Variants in CSDE1 observed in about 807,000 individuals in gnomAD.
CSDE1 encodes cold shock domain containing E1.
Under a neutral mutation model 89.3 loss-of-function variants are expected in CSDE1, and 17 were observed. The ratio of observed to expected loss-of-function variants is 0.19; its 90% CI spans 0.13 to 0.29. The LOEUF is 0.29. Among genes scored for constraint, CSDE1 ranks in the 10% least tolerant of loss-of-function variants. The probability of loss-of-function intolerance (pLI) is 1.00; values close to 1 mark genes in which losing one functional copy is unlikely to be tolerated. For missense variants in CSDE1, 672 were observed against 984.2 expected (o/e 0.68, Z 4.24); for synonymous variants, 322 against 332.8 (o/e 0.97, Z 0.35).
intron 1 of CSDE1, among the ~76,000 whole-genome samples, chr1:114,755,752 TTG>T (rs1341865618): frequency 6.6e-6 from 1 of 152,216 alleles, no homozygotes; most frequent in East Asian, 1.9e-4. Context: ...CATCAATTCT[TTG>T]TGTTTACTTA....
intron 7 of CSDE1, 85 bp downstream of exon 7, chr1:114,734,357 G>GAAA: frequency 1.0e-5 from 11 of 1,078,524 alleles, no homozygotes; most frequent in Admixed American, 2.6e-5. Flanking sequence ...AGATAAAAAA[G>GAAA]AAAAAAAAAA....
intron 17 of CSDE1, 41 bp downstream of exon 17, chr1:114,720,498 A>G: frequency 3.9e-6 from 6 of 1,556,496 alleles, no homozygotes; most frequent in South Asian, 1.2e-5. Context: ...TTACCAACTC[A>G]TAGAAGGATC....
At chr1:114,728,108 T>C (rs1166145953) in intron 12 of CSDE1, among the ~76,000 whole-genome samples, 1 of 152,242 alleles carries the variant, frequency 6.6e-6, no homozygotes, top group Non-Finnish European at 1.5e-5. Context: ...CCAGGTATTA[T>C]GTATTATCAA....
At chr1:114,721,884 CTTTT>C (rs77950889) in intron 16 of CSDE1, among the ~76,000 whole-genome samples, 3,099 of 128,144 alleles carry the variant, frequency 0.024, 73 homozygotes, top group South Asian at 0.1. Context: ...CCACACCTGA[CTTTT>C]TTTTTTTTTT....
intron 16 of CSDE1, among the ~76,000 whole-genome samples, chr1:114,721,909 G>A (rs1659548959): frequency 6.8e-6 from 1 of 146,024 alleles, no homozygotes; most frequent in Admixed American, 7.0e-5. Flanking sequence ...TTGAGACGGA[G>A]TCATGCTCTG....
intron 2 of CSDE1, among the ~76,000 whole-genome samples, chr1:114,746,257 C>A (rs1302598062): frequency 1.3e-5 from 2 of 152,048 alleles, no homozygotes; most frequent in African/African-American, 4.8e-5. Flanking sequence ...TTAATGTACC[C>A]GACCAATATA....
intron 12 of CSDE1, 107 bp downstream of exon 12, chr1:114,730,151 T>G: frequency 7.7e-7 from 1 of 1,292,020 alleles, no homozygotes. Flanking sequence ...ACAGAAATTC[T>G]GAAAGAGACA....
chr1:114,740,056 C>T (rs1335991495), intron 2 of CSDE1, 166 bp from the exon 3 acceptor site: 4 of 548,032 alleles, frequency 7.3e-6, no homozygotes, highest in Non-Finnish European at 1.3e-5. Flanking sequence ...GCTAATAAAA[C>T]ATTTCAGAGG....
At chr1:114,718,352 A>G in intron 19 of CSDE1, 136 bp from the exon 20 acceptor site, 1 of 1,130,700 alleles carries the variant, frequency 8.8e-7, no homozygotes, top group East Asian at 2.5e-5. Flanking sequence ...TCTTTCCTAG[A>G]GGAGAAAATC....
intron 16 of CSDE1, among the ~76,000 whole-genome samples, chr1:114,721,688 C>T (rs1659530791): frequency 6.6e-6 from 1 of 152,034 alleles, no homozygotes; most frequent in African/African-American, 2.4e-5. Flanking sequence ...TTCCTGGGCT[C>T]GGGTGATCCT....
chr1:114,725,385 G>C (rs1557991882), intron 14 of CSDE1, 52 bp from the exon 15 acceptor site: 1 of 1,320,894 alleles, frequency 7.6e-7, no homozygotes, highest in Non-Finnish European at 1.1e-6. Flanking sequence ...AACATCAACA[G>C]TAACAGGCAG....
intron 17 of CSDE1, 48 bp downstream of exon 17, chr1:114,720,491 C>G: frequency 1.4e-6 from 2 of 1,467,200 alleles, no homozygotes; most frequent in Non-Finnish European, 1.8e-6. Flanking sequence ...GTTTTGGTTA[C>G]CAACTCATAG....
intron 1 of CSDE1, among the ~76,000 whole-genome samples, chr1:114,751,554 T>C (rs1661309325): frequency 6.6e-6 from 1 of 152,162 alleles, no homozygotes; most frequent in Non-Finnish European, 1.5e-5. Context: ...CATTTTCTAT[T>C]CTCTAACATC....
chr1:114,742,113 G>A (rs1387025967), intron 2 of CSDE1, among the ~76,000 whole-genome samples: 1 of 152,174 alleles, frequency 6.6e-6, no homozygotes. Context: ...AGGTTTCACC[G>A]AGTTGGTATG....
intron 4 of CSDE1, among the ~76,000 whole-genome samples, 179 bp from the exon 5 acceptor site, chr1:114,737,742 T>C (rs1001868883): frequency 2.6e-5 from 4 of 152,214 alleles, no homozygotes; most frequent in South Asian, 4.1e-4. Flanking sequence ...ACTGTAAGCA[T>C]TGACTCAGGG....
intron 15 of CSDE1, 42 bp downstream of exon 15, chr1:114,725,179 C>T: frequency 6.7e-7 from 1 of 1,483,574 alleles, no homozygotes. Context: ...CTTTATCTCC[C>T]ACTTAAAAGC....
chr1:114,722,682 A>T (rs1273826064), intron 16 of CSDE1, among the ~76,000 whole-genome samples: 2 of 152,154 alleles, frequency 1.3e-5, no homozygotes, highest in African/African-American at 2.4e-5. Context: ...GGAAGTGGGG[A>T]TGGAAAAGGA....
intron 5 of CSDE1, 101 bp downstream of exon 5, chr1:114,737,370 T>C: frequency 1.0e-6 from 1 of 986,002 alleles, no homozygotes; most frequent in Non-Finnish European, 1.5e-6. Context: ...TAAAACTGAT[T>C]TTAACAATTG....
At chr1:114,733,523 A>G (rs1476168168) in intron 9 of CSDE1, among the ~76,000 whole-genome samples, 1 of 142,252 alleles carries the variant, frequency 7.0e-6, no homozygotes, top group East Asian at 2.0e-4. Flanking sequence ...AGACTCTGTC[A>G]CAAAAAAAGA....
Sources: allele counts gnomAD v4.1 joint callset (sites outside exome capture counted in the v4.1 genomes callset), GRCh38; gene constraint gnomAD v4.1.1; transcripts MANE v1.5; gene names NCBI Gene and HGNC (gene_info 2026-07-23, HGNC 2026-07-21).